Variants in DNAJC3 observed in about 807,000 individuals in gnomAD.
DNAJC3 encodes the protein dnaJ homolog subfamily C member 3.
A neutral mutation model predicts 68.6 loss-of-function variants in DNAJC3; 38 were observed. The observed-to-expected ratio is 0.55, with a 90% confidence interval of 0.43 to 0.73. DNAJC3 has a LOEUF of 0.73. DNAJC3 is among the 30% of genes least tolerant of loss of function. The pLI is 0.00. For synonymous variants in DNAJC3, 203 were observed against 204.0 expected, an observed-to-expected ratio of 1.00 and a Z score of 0.04; for missense variants, 526 against 591.9, an observed-to-expected ratio of 0.89 and a Z score of 1.16.
intron 4 of DNAJC3, among the ~76,000 whole-genome samples, chr13:95,735,961 C>T (rs1247922316): frequency 2.0e-5 from 3 of 152,250 alleles, no homozygotes; most frequent in Middle Eastern, 3.4e-3. Context: ...TTAGGTCTAA[C>T]GTTTAAGTCT....
intron 4 of DNAJC3, among the ~76,000 whole-genome samples, chr13:95,738,569 A>G (rs551939256): frequency 6.6e-6 from 1 of 152,082 alleles, no homozygotes; most frequent in South Asian, 2.1e-4. Flanking sequence ...TCCCTTTACC[A>G]TTATGTCATG....
intron 9 of DNAJC3, among the ~76,000 whole-genome samples, chr13:95,779,938 T>G (rs1365269204): frequency 6.6e-6 from 1 of 152,228 alleles, no homozygotes; most frequent in Non-Finnish European, 1.5e-5. Context: ...AAAAAATTAT[T>G]ACTCATCATA....
intron 1 of DNAJC3, among the ~76,000 whole-genome samples, chr13:95,690,130 C>A (rs1050440720): frequency 2.0e-5 from 3 of 151,804 alleles, no homozygotes; most frequent in Admixed American, 2.0e-4. Flanking sequence ...GAGGACCCTG[C>A]GGCCTTCCAC....
rs1883894023 is a variant in DNAJC3 at position 95,794,258 on chromosome 13, T to C, written c.*3228T>C. The C allele has an allele frequency of 6.6e-6, 1 of 152,216 alleles. No individual in the cohort carries two copies. Among genetic ancestry groups the C allele is most frequent in the Non-Finnish European group, 1.5e-5 (1 of 68,036 alleles). 9.4% of individuals were successfully genotyped at this position (152,216 alleles called of 1,614,324 possible). A position where few individuals can be genotyped will look rare whatever the true frequency, so the allele number is the denominator to read the frequency against. Reference sequence around the variant, plus strand: ...AAACCACAATTTGAAATTGATACCATTTTCTACTCACAATGGATGATGAAA... The same window carrying C: ...AAACCACAATTTGAAATTGATACCACTTTCTACTCACAATGGATGATGAAA... On this transcript the variant is annotated 3_prime_UTR_variant, in exon 12 of 12. Coordinates refer to ENST00000602402, the MANE Select transcript of DNAJC3 (RefSeq NM_006260.5).
chr13:95,748,802 C>T (rs777686585), intron 4 of DNAJC3, among the ~76,000 whole-genome samples: 3 of 152,098 alleles, frequency 2.0e-5, no homozygotes, highest in Admixed American at 2.0e-4. Flanking sequence ...GGTGACAGAG[C>T]CAGACTCCGT....
chr13:95,732,972 G>A (rs1028793893), intron 4 of DNAJC3, among the ~76,000 whole-genome samples: 2 of 151,840 alleles, frequency 1.3e-5, no homozygotes, highest in East Asian at 1.9e-4. Context: ...TTGTTTTCTA[G>A]TTTTATTCCA....
At chr13:95,739,616 T>G (rs890037754) in intron 4 of DNAJC3, among the ~76,000 whole-genome samples, 3 of 152,242 alleles carry the variant, frequency 2.0e-5, no homozygotes, top group African/African-American at 7.2e-5. Context: ...TTGATCGTAT[T>G]GGCTCCTGAG....
intron 2 of DNAJC3, among the ~76,000 whole-genome samples, chr13:95,710,171 G>A (rs17882446): frequency 0.012 from 1,764 of 151,828 alleles, 41 homozygotes; most frequent in African/African-American, 0.039. Flanking sequence ...TGTAAGAAGT[G>A]AGATGACCAG....
chr13:95,691,499 C>T (rs1311699242), intron 1 of DNAJC3, among the ~76,000 whole-genome samples: 95 of 151,308 alleles, frequency 6.3e-4, no homozygotes, highest in Middle Eastern at 3.4e-3. Flanking sequence ...GATGTGATGG[C>T]GGCCGGGAAG....
intron 4 of DNAJC3, among the ~76,000 whole-genome samples, chr13:95,740,667 G>T (rs984406010): frequency 6.6e-6 from 1 of 150,954 alleles, no homozygotes; most frequent in Non-Finnish European, 1.5e-5. Flanking sequence ...GCCCTGCTTC[G>T]GCTCGCGCAC....
At chr13:95,767,256 A>G (rs755033316) in intron 9 of DNAJC3, among the ~76,000 whole-genome samples, 1 of 152,186 alleles carries the variant, frequency 6.6e-6, no homozygotes, top group African/African-American at 2.4e-5. Context: ...AGATCCTCAC[A>G]TAATGGGAAT....
chr13:95,710,238 T>C (rs17884865), intron 2 of DNAJC3, among the ~76,000 whole-genome samples: 2,561 of 151,456 alleles, frequency 0.017, 83 homozygotes, highest in African/African-American at 0.059. Flanking sequence ...CTTTTCTTTT[T>C]TTTTTTTTTT....
rs555302874 is a variant in DNAJC3, at chr13:95,794,709, G to C, written c.*3679G>C. 1 of 152,312 alleles carries C rather than the reference G, an allele frequency of 6.6e-6. No homozygotes were observed. Among genetic ancestry groups the C allele is most frequent in the South Asian group, 2.1e-4 (1 of 4,822 alleles). The allele number at this position is 152,312 out of a possible 1,614,324, so 9.4% of individuals were successfully genotyped here. A position where few individuals can be genotyped will look rare whatever the true frequency, so the allele number is the denominator to read the frequency against. ...GGCTTTGTGTATAGTAACCGGTTTTGTTGCACTTGTCTGTGGCTGAAACAC... is the reference window on the plus strand; with the variant it reads ...GGCTTTGTGTATAGTAACCGGTTTTCTTGCACTTGTCTGTGGCTGAAACAC... On this transcript the variant is annotated 3_prime_UTR_variant, in exon 12 of 12. Coordinates refer to ENST00000602402, the MANE Select transcript of DNAJC3 (RefSeq NM_006260.5).
chr13:95,694,824 G>A (rs1372339994), intron 1 of DNAJC3: 2 of 152,486 alleles, frequency 1.3e-5, no homozygotes, highest in African/African-American at 2.4e-5. Flanking sequence ...TCACGCTAAC[G>A]GTGCTTCAAT....
intron 11 of DNAJC3, among the ~76,000 whole-genome samples, chr13:95,789,526 G>A (rs1035216831): frequency 1.3e-5 from 2 of 151,632 alleles, no homozygotes; most frequent in African/African-American, 2.4e-5. Context: ...TGGTGTAGAT[G>A]TACCACATTT....
rs919645729 is a variant in DNAJC3, at chr13:95,791,776, T to C, written c.*746T>C. The C allele has an allele frequency of 6.6e-6, 1 of 152,246 alleles. No individual in the cohort carries two copies. Among genetic ancestry groups the C allele is most frequent in the East Asian group, 1.9e-4 (1 of 5,208 alleles). The allele number at this position is 152,246 out of a possible 1,614,324, so 9.4% of individuals were successfully genotyped here. A position where few individuals can be genotyped will look rare whatever the true frequency, so the allele number is the denominator to read the frequency against. The stretch of plus-strand genomic sequence containing the variant: ...AAACACAACAAATTAAAAGTTGTTA[T>C]AGGTAAAATAAGTTCAGATAAAATA... On this transcript the variant is annotated 3_prime_UTR_variant, in exon 12 of 12. Transcript: ENST00000602402.
chr13:95,740,817 C>A (rs1199210236), intron 4 of DNAJC3, among the ~76,000 whole-genome samples: 3 of 152,154 alleles, frequency 2.0e-5, no homozygotes, highest in East Asian at 3.9e-4. Flanking sequence ...TGTTCCTATT[C>A]GGCCATCTTG....
rs7338510 is a variant in DNAJC3, at chr13:95,687,744, T to C, written c.82+10407T>C. 3.2e-3 allele frequency among the ~76,000 whole-genome samples: 489 copies of C among 152,318 alleles called. 2 individuals are homozygous for C. Among genetic ancestry groups the C allele is most frequent in the African/African-American group, 0.011 (473 of 41,564 alleles). On this transcript the variant is annotated intron_variant, in intron 1 of 11. Transcript: ENST00000602402. ...CTTAGTTCTTTTTGCTAAGGATTGC[T>C]TTGGCTATTCAGGTTCTTTTTTGGT... is the stretch of plus-strand genomic sequence containing the variant.
intron 1 of DNAJC3, among the ~76,000 whole-genome samples, chr13:95,689,690 G>C (rs1228389324): frequency 6.6e-6 from 1 of 151,808 alleles, no homozygotes; most frequent in East Asian, 1.9e-4. Flanking sequence ...GTGGTGTGTG[G>C]TTGTTCATTT....
Sources: gnomAD v4.1 joint callset for allele counts (sites outside exome capture counted in the v4.1 genomes callset) on GRCh38, gnomAD v4.1.1 for gene constraint, MANE v1.5 for transcripts, NCBI Gene and HGNC (gene_info 2026-07-23, HGNC 2026-07-21) for gene names.